FCAR: variants seen among roughly 807,000 people sequenced by gnomAD.
FCAR encodes the protein Fc alpha receptor, also known as immunoglobulin alpha Fc receptor.
FCAR carries 21 observed loss-of-function variants against 27.1 expected under a neutral mutation model. The observed-to-expected ratio is 0.77, with a 90% CI of 0.55 to 1.11. The LOEUF (loss-of-function observed/expected upper bound fraction) is 1.11. FCAR is among the 50% of genes most tolerant of loss of function. FCAR has a pLI of 0.00. For synonymous variants in FCAR, 134 were observed against 135.8 expected (o/e 0.99, Z 0.09); for missense variants, 404 against 358.4 (o/e 1.13, Z -1.03).
intron 3 of FCAR, among the ~76,000 whole-genome samples, chr19:54,885,805 G>A (rs1865097): frequency 0.32 from 48,451 of 152,052 alleles, 8,032 homozygotes; most frequent in Admixed American, 0.44. Flanking sequence ...TCTGTTCCAG[G>A]ATCCCATTCA....
Position 54,875,363 on chromosome 19 carries a change from A to G in FCAR, c.68A>G (p.Glu23Gly). The G allele has an allele frequency of 1.9e-6, 3 of 1,613,496 alleles. No individual in the cohort carries two copies. The South Asian group carries it at 3.3e-5, about 18-fold the overall frequency. Residue 23 changes from glutamate (E) to glycine (G), a missense_variant and splice_region_variant, in exon 2 of 5, where the codon GAA becomes GGA. By Grantham distance (98) the Glu-to-Gly change is moderately conservative. Coordinates refer to ENST00000355524, the MANE Select transcript of FCAR (RefSeq NM_002000.4). ...CTGGGCCAGAGGATTCAGGCACAGG[A>G]AGGTAAGTGTCCTGTAAATCTCTCC... ...LCLGQRIQAQ[E>G]GDFPMPFISA...
At position 54,885,428 on chromosome 19, in the gene FCAR, C is replaced by T; in HGVS notation, c.264C>T (p.Asp88=). The T allele has an allele frequency of 1.9e-6, 3 of 1,613,746 alleles. No individual in the cohort carries two copies. In the South Asian group the frequency reaches 3.3e-5, roughly 18 times the overall value. ...WNETDPEFVI[D]HMDANKAGRY... ...AGACTGATCCTGAGTTCGTCATTGACCACATGGACGCAAACAAGGCAGGGC... is the reference window on the plus strand; with the variant it reads ...AGACTGATCCTGAGTTCGTCATTGATCACATGGACGCAAACAAGGCAGGGC... Residue 88 remains aspartate (D), a synonymous_variant, in exon 3 of 5, where the codon GAC becomes GAT. Transcript: ENST00000355524.
At chr19:54,881,960 C>T (rs1413522355) in intron 2 of FCAR, among the ~76,000 whole-genome samples, 1 of 152,122 alleles carries the variant, frequency 6.6e-6, no homozygotes. Context: ...CCCCAGGCTC[C>T]TTGCTTCTTC....
Position 54,888,252 on chromosome 19 carries a change from C to A in FCAR, c.607C>A (p.Leu203Met). Residue 203 changes from leucine to methionine, a missense_variant, in exon 4 of 5, where the codon CTG becomes ATG. Leu to Met is a conservative substitution (Grantham distance 15). Coordinates refer to ENST00000355524, the MANE Select transcript of FCAR (RefSeq NM_002000.4). ...CGGTTGGTACAACAGGAGCCCCTACCTGTGGTCCTTCCCCAGTAATGCCTT... is the reference window on the plus strand; with the variant it reads ...CGGTTGGTACAACAGGAGCCCCTACATGTGGTCCTTCCCCAGTAATGCCTT... ...CYGWYNRSPY[L>M]WSFPSNALEL... 2 of 1,614,170 alleles carry A rather than the reference C, an allele frequency of 1.2e-6. No individual in the cohort carries two copies. The highest frequency in any genetic ancestry group is 1.1e-5 in the South Asian group (1 of 91,080).
chr19:54,886,640 G>A (rs1034433021), intron 3 of FCAR, among the ~76,000 whole-genome samples: 1 of 151,452 alleles, frequency 6.6e-6, no homozygotes, highest in Non-Finnish European at 1.5e-5. Flanking sequence ...ATGAGCCACC[G>A]CACCTGGCCT....
intron 2 of FCAR, among the ~76,000 whole-genome samples, chr19:54,884,015 G>A (rs1404477586): frequency 6.6e-6 from 1 of 152,240 alleles, no homozygotes; most frequent in African/African-American, 2.4e-5. Context: ...AGTTCAGGCA[G>A]AAGGGGGTCT....
rs185014848 is a variant in FCAR at position 54,889,503 on chromosome 19, C to T, written c.650-146C>T. ...TGCTGACTGATCAGTGTGGTGCTGG[C>T]GAAGCATGAGCTCATTGAGGGGATG... On this transcript the variant is annotated intron_variant, in intron 4 of 4. Coordinates refer to ENST00000355524, the MANE Select transcript of FCAR (RefSeq NM_002000.4). 562 of 703,212 alleles carry T rather than the reference C, an allele frequency of 8.0e-4. 2 individuals carry two copies. The African/African-American group carries it at 9.0e-3, about 11-fold the overall frequency. The allele number at this position is 703,212 out of a possible 1,614,324, so 43.6% of individuals were successfully genotyped here.
intron 2 of FCAR, among the ~76,000 whole-genome samples, chr19:54,875,663 A>G (rs2066053234): frequency 6.6e-6 from 1 of 152,206 alleles, no homozygotes; most frequent in Non-Finnish European, 1.5e-5. Context: ...TCATCTGCCC[A>G]ATATCCTTCC....
chr19:54,883,076 G>T (rs587765240), intron 2 of FCAR, among the ~76,000 whole-genome samples: 1 of 151,874 alleles, frequency 6.6e-6, no homozygotes, highest in African/African-American at 2.4e-5. Flanking sequence ...GCACAATCTC[G>T]GCTCACTGCA....
intron 2 of FCAR, among the ~76,000 whole-genome samples, chr19:54,877,916 A>ATTTTTTTTTTTTTTTTTTT (rs757104692): frequency 2.1e-5 from 3 of 143,464 alleles, no homozygotes; most frequent in Non-Finnish European, 1.5e-5. Context: ...TTTGCTAAGG[A>ATTTTTTTTTTTTTTTTTTT]TTGTTTTTTT....
In FCAR at chr19:54,888,437, C is replaced by T. The variant is rs587634180; in HGVS notation, c.649+143C>T. On this transcript the variant is annotated intron_variant, in intron 4 of 4. Transcript: ENST00000355524. Reference sequence around the variant, plus strand: ...CAGGACAGTGGAGAGAGAAAGGCTTCCCCACCACACTTTCCGCTTTCACTT... The same window carrying T: ...CAGGACAGTGGAGAGAGAAAGGCTTTCCCACCACACTTTCCGCTTTCACTT... 19 of 1,440,522 alleles carry T rather than the reference C, an allele frequency of 1.3e-5. No individual in the cohort carries two copies. The East Asian group carries it at 2.5e-4, about 19-fold the overall frequency. The allele number at this position is 1,440,522 out of a possible 1,614,324, so 89.2% of individuals were successfully genotyped here. A position where few individuals can be genotyped will look rare whatever the true frequency, so the allele number is the denominator to read the frequency against.
rs1189627099 is a variant in FCAR at position 54,882,909 on chromosome 19, A to T, written c.71-2326A>T. Among the ~76,000 whole-genome samples, 3 of 152,002 alleles carry T rather than the reference A, an allele frequency of 2.0e-5. No individual in the cohort carries two copies. In the South Asian group the frequency reaches 6.2e-4, roughly 32 times the overall value. ...TCATTGTATACTGGCAAAATTTTTC[A>T]GTGTTGTATTTTGAAGTGTGATCCA... On this transcript the variant is annotated intron_variant, in intron 2 of 4. Coordinates refer to ENST00000355524, the MANE Select transcript of FCAR (RefSeq NM_002000.4).
At chr19:54,881,637 C>A (rs950075319) in intron 2 of FCAR, among the ~76,000 whole-genome samples, 1 of 152,022 alleles carries the variant, frequency 6.6e-6, no homozygotes, top group Non-Finnish European at 1.5e-5. Context: ...CTTTGGGAGG[C>A]CGAGGCGGGC....
At chr19:54,878,585 G>T (rs1293175383) in intron 2 of FCAR, among the ~76,000 whole-genome samples, 2 of 151,186 alleles carry the variant, frequency 1.3e-5, no homozygotes, top group African/African-American at 4.9e-5. Context: ...TCAGCAGTTG[G>T]GCTATTACAC....
intron 2 of FCAR, among the ~76,000 whole-genome samples, chr19:54,876,789 T>C (rs77149320): frequency 0.24 from 36,159 of 151,770 alleles, 4,718 homozygotes; most frequent in South Asian, 0.37. Flanking sequence ...GGCGTGGTGG[T>C]GGGCACCTGT....
In FCAR at chr19:54,885,269, G is replaced by A. The variant is rs1481920460; in HGVS notation, c.105G>A (p.Ser35=). 13 of 1,613,652 alleles carry A rather than the reference G, an allele frequency of 8.1e-6. No homozygotes were observed. The highest frequency in any genetic ancestry group is 6.7e-5 in the East Asian group (3 of 44,866). ...CCATGCCTTTCATATCTGCCAAATC[G>A]AGTCCTGTGATTCCCTTGGATGGAT... is the stretch of plus-strand genomic sequence containing the variant. ...DFPMPFISAK[S]SPVIPLDGSV... The change falls in exon 3 of 5, where the codon TCG becomes TCA. Residue 35 remains serine (S), a synonymous_variant. Coordinates refer to ENST00000355524, the MANE Select transcript of FCAR (RefSeq NM_002000.4).
At chr19:54,874,367 A>G (rs1278712567) in intron 1 of FCAR, 44 bp downstream of exon 1, 1 of 1,589,714 alleles carries the variant, frequency 6.3e-7, no homozygotes, top group Admixed American at 1.7e-5. Flanking sequence ...AGATAGAGAA[A>G]TCCCAAAATA....
rs587626748 is a variant in FCAR, at chr19:54,878,596, A to G, written c.70+3231A>G. ...TGATTCAGCAGTTGGGCTATTACAC[A>G]CTCCTTAGCAGATTCCGACTTCCGT... On this transcript the variant is annotated intron_variant, in intron 2 of 4. Coordinates refer to ENST00000355524, the MANE Select transcript of FCAR (RefSeq NM_002000.4). 4.0e-5 allele frequency among the ~76,000 whole-genome samples: 6 copies of G among 148,950 alleles called. No individual in the cohort carries two copies. The South Asian group carries it at 1.3e-3, about 32-fold the overall frequency.
chr19:54,882,050 C>G, intron 2 of FCAR, among the ~76,000 whole-genome samples: 1 of 152,210 alleles, frequency 6.6e-6, no homozygotes, highest in East Asian at 2.0e-4. Flanking sequence ...GGAGCCACTC[C>G]CCAGGGAAAC....
Sources: gnomAD v4.1 joint callset for allele counts (sites outside exome capture counted in the v4.1 genomes callset) on GRCh38, gnomAD v4.1.1 for gene constraint, MANE v1.5 for transcripts, NCBI Gene and HGNC (gene_info 2026-07-23, HGNC 2026-07-21) for gene names.